Variants in CHFR observed in about 807,000 individuals in gnomAD.
The protein encoded by CHFR is E3 ubiquitin-protein ligase CHFR.
CHFR carries 57 observed loss-of-function variants against 87.6 expected under a neutral mutation model. The ratio of observed to expected loss-of-function variants is 0.65; its 90% CI spans 0.53 to 0.81. The LOEUF (loss-of-function observed/expected upper bound fraction) is 0.81. CHFR is among the 30% of genes least tolerant of loss of function. The pLI is 0.00. For synonymous variants in CHFR, 381 were observed against 359.2 expected (o/e 1.06, Z -0.69); for missense variants, 797 against 865.8 (o/e 0.92, Z 1.00).
intron 12 of CHFR, among the ~76,000 whole-genome samples, chr12:132,850,591 C>T (rs1259697925): frequency 2.6e-5 from 4 of 152,178 alleles, no homozygotes; most frequent in Admixed American, 6.5e-5. Context: ...TGTGTCCCGA[C>T]GCTGCAGGCT....
At chr12:132,885,419 T>A (rs934833294) in intron 2 of CHFR, among the ~76,000 whole-genome samples, 13 of 146,622 alleles carry the variant, frequency 8.9e-5, no homozygotes, top group Middle Eastern at 3.6e-3. Context: ...TCAAAAAATA[T>A]ATAAATAAAT....
At chr12:132,861,051 C>T (rs1951199052) in intron 7 of CHFR, among the ~76,000 whole-genome samples, 1 of 152,124 alleles carries the variant, frequency 6.6e-6, no homozygotes, top group South Asian at 2.1e-4. Flanking sequence ...CGGTGTCAGG[C>T]TTGATTTTTA....
At position 132,856,579 on chromosome 12, in the gene CHFR, A is replaced by G. The variant is rs1047280041; in HGVS notation, c.1118T>C (p.Ile373Thr). The G allele has an allele frequency of 5.0e-6, 8 of 1,614,058 alleles. No homozygotes were observed. Among genetic ancestry groups the G allele is most frequent in the Non-Finnish European group, 5.9e-6 (7 of 1,179,998 alleles). The change falls in exon 10 of 18, where the codon ATC (isoleucine) becomes ACC (threonine). Residue 373 changes from isoleucine (I) to threonine (T), a missense_variant. Coordinates refer to ENST00000450056, the MANE Select transcript of CHFR (RefSeq NM_001161346.2). Reference sequence around the variant, plus strand: ...TTTGGGCTGCAGCATGTCTTGAGTGATTTTATTTCTGGCATCCATACTTTG... The same window carrying G: ...TTTGGGCTGCAGCATGTCTTGAGTGGTTTTATTTCTGGCATCCATACTTTG... The part of the protein sequence containing the change: ...DVQSMDARNK[I>T]TQDMLQPKVR...
intron 10 of CHFR, among the ~76,000 whole-genome samples, chr12:132,856,179 G>A (rs1209063586): frequency 1.3e-5 from 2 of 152,230 alleles, no homozygotes; most frequent in African/African-American, 4.8e-5. Flanking sequence ...AAAGGGAAGG[G>A]TGTCAGCCGA....
intron 10 of CHFR, 78 bp downstream of exon 10, chr12:132,856,390 C>G: frequency 6.7e-7 from 1 of 1,492,232 alleles, no homozygotes; most frequent in South Asian, 1.2e-5. Flanking sequence ...TGCTGTCCAC[C>G]CAGTAGTGAG....
At chr12:132,847,322 T>C in intron 14 of CHFR, 192 bp from the exon 15 acceptor site, 2 of 1,338,644 alleles carry the variant, frequency 1.5e-6, no homozygotes, top group South Asian at 1.5e-5. Context: ...AAGAGCCTCC[T>C]GGAAGTCCCA....
intron 6 of CHFR, among the ~76,000 whole-genome samples, chr12:132,863,967 T>C (rs1360511298): frequency 6.6e-6 from 1 of 152,124 alleles, no homozygotes; most frequent in East Asian, 1.9e-4. Flanking sequence ...TCTTGCCATT[T>C]TACCCAGGCT....
chr12:132,887,251 C>A lies in CHFR; in HGVS notation c.78G>T (p.Glu26Asp). The A allele has an allele frequency of 6.7e-7, 1 of 1,503,226 alleles. No individual in the cohort carries two copies. Among genetic ancestry groups the A allele is most frequent in the South Asian group, 1.2e-5 (1 of 81,004 alleles). The allele number at this position is 1,503,226 out of a possible 1,614,324, so 93.1% of individuals were successfully genotyped here. ...WGRLLRLGAE[E>D]GEPHVLLRKR... ...TCCTCAGGAGGACGTGCGGCTCGCC[C>A]TCCTCCGCGCCCAGACGCAGGAGCC... The change falls in exon 2 of 18, where the codon GAG becomes GAT. Residue 26 changes from glutamate (E) to aspartate (D), a missense_variant. By Grantham distance (45) the Glu-to-Asp change is conservative. Transcript: ENST00000450056.
At chr12:132,849,195 C>T (rs1950888507) in intron 12 of CHFR, 1 of 154,088 alleles carries the variant, frequency 6.5e-6, no homozygotes, top group South Asian at 2.0e-4. Flanking sequence ...GGGATCCTCC[C>T]ACCTCAGCCT....
At chr12:132,847,981 G>A (rs574257230) in intron 14 of CHFR, 104 bp downstream of exon 14, 63 of 1,570,604 alleles carry the variant, frequency 4.0e-5, no homozygotes, top group Admixed American at 3.4e-4. Flanking sequence ...AACCCGCAGC[G>A]GGTCAGGTAA....
At chr12:132,882,243 G>A (rs911391596) in intron 2 of CHFR, among the ~76,000 whole-genome samples, 1 of 152,178 alleles carries the variant, frequency 6.6e-6, no homozygotes, top group African/African-American at 2.4e-5. Context: ...CATGCAACAA[G>A]GTGCGTGCCA....
intron 2 of CHFR, among the ~76,000 whole-genome samples, chr12:132,885,272 G>A (rs893355340): frequency 3.3e-5 from 5 of 151,094 alleles, no homozygotes; most frequent in African/African-American, 1.2e-4. Flanking sequence ...ACTGCCAGGC[G>A]TGGTGGTGGG....
At chr12:132,845,502 T>G (rs934979904) in intron 15 of CHFR, among the ~76,000 whole-genome samples, 1 of 151,806 alleles carries the variant, frequency 6.6e-6, no homozygotes, top group African/African-American at 2.4e-5. Flanking sequence ...AAACTAAGAT[T>G]AGCCAGGCAT....
rs12819811 is a variant in CHFR at position 132,839,835 on chromosome 12, A to G, written c.*1719T>C. The G allele has an allele frequency of 2.0e-5, 3 of 152,726 alleles. No homozygotes were observed. The highest frequency in any genetic ancestry group is 4.1e-5 in the Non-Finnish European group (3 of 73,680). 9.5% of individuals were successfully genotyped at this position (152,726 alleles called of 1,614,324 possible). A position where few individuals can be genotyped will look rare whatever the true frequency, so the allele number is the denominator to read the frequency against. On this transcript the variant is annotated 3_prime_UTR_variant, in exon 18 of 18. Coordinates refer to ENST00000450056, the MANE Select transcript of CHFR (RefSeq NM_001161346.2). ...TCCCCTCTCAGCCTCGCCCCTGCAC[A>G]AACTCGGGATCTCCCCTCTCAGCCT...
At chr12:132,846,160 T>C (rs150996147) in intron 15 of CHFR, among the ~76,000 whole-genome samples, 8 of 152,060 alleles carry the variant, frequency 5.3e-5, no homozygotes, top group Non-Finnish European at 1.2e-4. Context: ...GTAACTGCTG[T>C]AGTGAGGGTC....
At chr12:132,858,303 T>G (rs1362613636) in intron 8 of CHFR, among the ~76,000 whole-genome samples, 1 of 152,030 alleles carries the variant, frequency 6.6e-6, no homozygotes, top group Non-Finnish European at 1.5e-5. Flanking sequence ...GAGGTTGCAG[T>G]GAGCCAAGAT....
At position 132,856,515 on chromosome 12, in the gene CHFR, C is replaced by A. The variant is rs1353432969; in HGVS notation, c.1182G>T (p.Glu394Asp). 6.2e-7 allele frequency: 1 copy of A among 1,614,236 alleles called. No homozygotes were observed. The highest frequency in any genetic ancestry group is 1.1e-5 in the South Asian group (1 of 91,092). The change falls in exon 10 of 18, where the codon GAG becomes GAT. Residue 394 changes from glutamate to aspartate, a missense_variant. This residue lies in a region of CHFR where 597 missense variants were observed against 601.2 expected (regional missense o/e 0.99). Coordinates refer to ENST00000450056, the MANE Select transcript of CHFR (RefSeq NM_001161346.2). ...CAACGTCTGACAGCTCCAGCAGGTC[C>A]TCTGAACTCCCTTCTTCATCAGAAA... ...RSFSDEEGSS[E>D]DLLELSDVDS...
At chr12:132,884,662 AAGCAG>A (rs906989022) in intron 2 of CHFR, among the ~76,000 whole-genome samples, 10 of 152,166 alleles carry the variant, frequency 6.6e-5, no homozygotes, top group African/African-American at 2.4e-4. Context: ...CAGAGAGAGC[AAGCAG>A]AGTCCCCCTC....
intron 15 of CHFR, among the ~76,000 whole-genome samples, chr12:132,846,324 G>A (rs916852752): frequency 5.3e-5 from 8 of 150,572 alleles, no homozygotes; most frequent in African/African-American, 9.7e-5. Context: ...GTGCAGTGGC[G>A]TGATTTTGGC....
Sources: gnomAD v4.1 joint callset for allele counts (sites outside exome capture counted in the v4.1 genomes callset) on GRCh38, gnomAD v4.1.1 for gene constraint, gnomAD v4.1.1 regional missense constraint, MANE v1.5 for transcripts, NCBI Gene and HGNC (gene_info 2026-07-23, HGNC 2026-07-21) for gene names.